CA10: variants seen among roughly 807,000 people sequenced by gnomAD.
CA10 encodes the protein carbonic anhydrase 10 (inactive), also known as carbonic anhydrase-related protein 10.
A neutral mutation model predicts 44.2 loss-of-function variants in CA10; 14 were observed. That is an observed-to-expected ratio of 0.32 (90% CI 0.21 to 0.50). CA10 has a LOEUF of 0.50. CA10 is among the 20% of genes least tolerant of loss of function. CA10 has a pLI of 0.99. For synonymous variants in CA10, 159 were observed against 141.6 expected (o/e 1.12, Z -0.87); for missense variants, 350 against 409.7 (o/e 0.85, Z 1.26).
In CA10 at chr17:52,058,673, T is replaced by C. The variant is rs548074796; in HGVS notation, c.136+13646A>G. Reference sequence around the variant, plus strand: ...GTTTAATCCACCAGCAATGATCTTTTCCATCTTGCATACCTGGCAGATGCC... The same window carrying C: ...GTTTAATCCACCAGCAATGATCTTTCCCATCTTGCATACCTGGCAGATGCC... On this transcript the variant is annotated intron_variant, in intron 2 of 8. Coordinates refer to ENST00000451037, the MANE Select transcript of CA10 (RefSeq NM_020178.5). Among the ~76,000 whole-genome samples the C allele has an allele frequency of 2.0e-5, 3 of 152,336 alleles. No individual in the cohort carries two copies. The South Asian group carries it at 6.2e-4, about 32-fold the overall frequency.
intron 2 of CA10, among the ~76,000 whole-genome samples, chr17:52,015,599 T>C (rs948932678): frequency 8.5e-5 from 13 of 152,078 alleles, no homozygotes; most frequent in African/African-American, 2.9e-4. Context: ...GAAGTAAGGA[T>C]TTACAAGCCA....
chr17:51,723,486 A>G (rs1259967709), intron 4 of CA10, among the ~76,000 whole-genome samples: 2 of 152,164 alleles, frequency 1.3e-5, no homozygotes, highest in Admixed American at 6.5e-5. Flanking sequence ...GGTGATGGGT[A>G]CCATGCAGGA....
chr17:51,909,870 C>T (rs542443945), intron 3 of CA10, among the ~76,000 whole-genome samples: 2 of 152,264 alleles, frequency 1.3e-5, no homozygotes, highest in South Asian at 4.1e-4. Context: ...CATCCCATAA[C>T]CACCTTCTCT....
At chr17:51,777,701 CG>C (rs1905879310) in intron 3 of CA10, among the ~76,000 whole-genome samples, 1 of 152,278 alleles carries the variant, frequency 6.6e-6, no homozygotes, top group East Asian at 1.9e-4. Flanking sequence ...CCCAGCACTT[CG>C]GGTGGACTGC....
At chr17:51,816,459 A>G (rs1162656703) in intron 3 of CA10, among the ~76,000 whole-genome samples, 1 of 152,122 alleles carries the variant, frequency 6.6e-6, no homozygotes, top group Non-Finnish European at 1.5e-5. Flanking sequence ...ATCATATGGT[A>G]GCTCTGTTTT....
At chr17:52,130,667 C>T (rs115476566) in intron 1 of CA10, among the ~76,000 whole-genome samples, 155 of 152,106 alleles carry the variant, frequency 1.0e-3, no homozygotes, top group African/African-American at 3.3e-3. Flanking sequence ...GGGGAGATGG[C>T]GGTCAAAGGA....
chr17:52,145,038 G>A (rs1367510354), intron 1 of CA10, among the ~76,000 whole-genome samples: 3 of 152,142 alleles, frequency 2.0e-5, no homozygotes, highest in Non-Finnish European at 1.5e-5. Flanking sequence ...TAATGTTTTC[G>A]ATGAATGCTC....
chr17:51,972,295 AC>A (rs1490306296), intron 2 of CA10, among the ~76,000 whole-genome samples: 1 of 151,972 alleles, frequency 6.6e-6, no homozygotes, highest in Non-Finnish European at 1.5e-5. Context: ...TTGTCATTTT[AC>A]TTTTTATCCT....
rs965598977 is a variant in CA10, at chr17:51,892,854, G to A, written c.279+38136C>T. 2.3e-4 allele frequency among the ~76,000 whole-genome samples: 35 copies of A among 152,114 alleles called. 1 individual carries two copies. The highest frequency in any genetic ancestry group is 2.0e-3 in the Admixed American group (30 of 15,262). On this transcript the variant is annotated intron_variant, in intron 3 of 8. Coordinates refer to ENST00000451037, the MANE Select transcript of CA10 (RefSeq NM_020178.5). Reference sequence around the variant, plus strand: ...GGGAAAAGACCACGTGAGTACTAGAGGCTTCATTATGAATAACATTGAACA... The same window carrying A: ...GGGAAAAGACCACGTGAGTACTAGAAGCTTCATTATGAATAACATTGAACA...
chr17:51,977,525 A>C lies in CA10; in HGVS notation c.137-46393T>G, dbSNP rs1217899303. Among the ~76,000 whole-genome samples, 14 of 152,094 alleles carry C rather than the reference A, an allele frequency of 9.2e-5. 1 individual carries two copies. Among genetic ancestry groups the C allele is most frequent in the Admixed American group, 9.2e-4 (14 of 15,266 alleles). ...TGGAAAAATTCTTAGCAAACTAGAA[A>C]TGGGGGGAAGTCTTCAAACTAATAC... On this transcript the variant is annotated intron_variant, in intron 2 of 8. Transcript: ENST00000451037.
chr17:51,838,389 T>C (rs980509375), intron 3 of CA10, among the ~76,000 whole-genome samples: 1 of 152,254 alleles, frequency 6.6e-6, no homozygotes, highest in African/African-American at 2.4e-5. Flanking sequence ...CAGTAGCTTC[T>C]AAATCAACAC....
At chr17:52,006,395 T>TA (rs1985598461) in intron 2 of CA10, among the ~76,000 whole-genome samples, 1 of 151,922 alleles carries the variant, frequency 6.6e-6, no homozygotes, top group African/African-American at 2.4e-5. Context: ...ATTAAAATGC[T>TA]AATGCCATGT....
intron 3 of CA10, chr17:51,763,090 AAGT>A (rs1905260650): frequency 6.6e-6 from 1 of 152,230 alleles, no homozygotes; most frequent in Non-Finnish European, 1.5e-5. Context: ...CATGATTATC[AAGT>A]AGCTCACAGC....
Position 52,072,363 on chromosome 17 carries a change from C to A in CA10, c.92G>T (p.Gly31Val), listed in dbSNP as rs775450131. 6.2e-7 allele frequency: 1 copy of A among 1,613,438 alleles called. No individual in the cohort carries two copies. The highest frequency in any genetic ancestry group is 8.5e-7 in the Non-Finnish European group (1 of 1,179,560). The change falls in exon 2 of 9, where the codon GGC becomes GTC. Residue 31 changes from glycine to valine, a missense_variant. Transcript: ENST00000451037. Reference protein sequence around the residue: ...AQQNSPKIHEGWWAYKEVVQG... With the variant: ...AQQNSPKIHEVWWAYKEVVQG... ...GACCACCTCCTTGTATGCCCACCAG[C>A]CTTCATGGATTTTTGGTGAATTCTG... is the stretch of plus-strand genomic sequence containing the variant.
chr17:51,879,839 G>A (rs1270266960), intron 3 of CA10, among the ~76,000 whole-genome samples: 1 of 152,180 alleles, frequency 6.6e-6, no homozygotes, highest in Admixed American at 6.5e-5. Flanking sequence ...AGTGACATGT[G>A]TCCGTGAGTG....
intron 4 of CA10, among the ~76,000 whole-genome samples, chr17:51,655,566 G>A (rs1184885969): frequency 6.6e-6 from 1 of 152,166 alleles, no homozygotes; most frequent in African/African-American, 2.4e-5. Context: ...GATCACCTGG[G>A]TGCTTTTAAA....
intron 3 of CA10, 82 bp from the exon 4 acceptor site, chr17:51,747,900 AC>A: frequency 1.9e-6 from 2 of 1,066,412 alleles, no homozygotes; most frequent in Non-Finnish European, 2.8e-6. Context: ...TTGGATCAAC[AC>A]CTTTTGCTTC....
chr17:51,692,825 T>C (rs1231537150), intron 4 of CA10, among the ~76,000 whole-genome samples: 1 of 152,254 alleles, frequency 6.6e-6, no homozygotes. Context: ...AGTGTTATTA[T>C]GAATTGACCA....
intron 4 of CA10, among the ~76,000 whole-genome samples, chr17:51,661,105 G>A (rs1597969215): frequency 6.6e-6 from 1 of 152,024 alleles, no homozygotes; most frequent in Non-Finnish European, 1.5e-5. Context: ...GACATTCGTT[G>A]TGTGACTGAT....
Sources: gnomAD v4.1 joint callset for allele counts (sites outside exome capture counted in the v4.1 genomes callset) on GRCh38, gnomAD v4.1.1 for gene constraint, MANE v1.5 for transcripts, NCBI Gene and HGNC (gene_info 2026-07-23, HGNC 2026-07-21) for gene names.